DDR2: variants seen among roughly 807,000 people sequenced by gnomAD.
DDR2 encodes the protein discoidin domain-containing receptor 2.
Under a neutral mutation model 94.9 loss-of-function variants are expected in DDR2, and 27 were observed. The observed-to-expected ratio is 0.28, with a 90% CI of 0.21 to 0.39. DDR2 has a LOEUF of 0.39. Among genes scored for constraint, DDR2 ranks in the 10% least tolerant of loss-of-function variants. DDR2 has a pLI of 1.00. For synonymous variants in DDR2, 382 were observed against 377.2 expected, an observed-to-expected ratio of 1.01 and a Z score of -0.15; for missense variants, 783 against 1,076.0, an observed-to-expected ratio of 0.73 and a Z score of 3.81.
Position 162,777,453 on chromosome 1 carries a change from A to G in DDR2, c.2283+1083A>G, listed in dbSNP as rs564013659. Among the ~76,000 whole-genome samples, 17 of 131,614 alleles carry G rather than the reference A, an allele frequency of 1.3e-4. 1 individual carries two copies. In the South Asian group the frequency reaches 4.8e-3, roughly 37 times the overall value. 86.3% of individuals were successfully genotyped at this position (131,614 alleles called of 152,430 possible). A position where few individuals can be genotyped will look rare whatever the true frequency, so the allele number is the denominator to read the frequency against. On this transcript the variant is annotated intron_variant, in intron 16 of 17. Coordinates refer to ENST00000367921, the MANE Select transcript of DDR2 (RefSeq NM_006182.4). Reference sequence around the variant, plus strand: ...TTTAAGTACTTTCCAATTTCCTGCTATTATGAATGATGCTGTGATGTACAC... The same window carrying G: ...TTTAAGTACTTTCCAATTTCCTGCTGTTATGAATGATGCTGTGATGTACAC...
At chr1:162,737,160 T>G in intron 3 of DDR2, among the ~76,000 whole-genome samples, 1 of 6,910 alleles carries the variant, frequency 1.4e-4, no homozygotes, top group Non-Finnish European at 1.7e-3. Flanking sequence ...TTTGGAATAA[T>G]TTTTTTTTTT....
intron 3 of DDR2, among the ~76,000 whole-genome samples, chr1:162,734,139 A>G (rs1395746664): frequency 6.6e-6 from 1 of 152,240 alleles, no homozygotes; most frequent in Non-Finnish European, 1.5e-5. Flanking sequence ...AAATACATAC[A>G]CATTTGTAAA....
intron 3 of DDR2, among the ~76,000 whole-genome samples, chr1:162,751,147 G>A (rs992800414): frequency 2.6e-5 from 4 of 152,048 alleles, no homozygotes; most frequent in African/African-American, 7.2e-5. Context: ...TTGACAAATG[G>A]GATCTAATTA....
intron 2 of DDR2, among the ~76,000 whole-genome samples, chr1:162,708,819 C>T (rs1660767847): frequency 6.6e-6 from 1 of 152,180 alleles, no homozygotes; most frequent in Non-Finnish European, 1.5e-5. Flanking sequence ...CACATATTCT[C>T]TGAGTACTTA....
At chr1:162,757,233 A>G (rs948485348) in intron 7 of DDR2, among the ~76,000 whole-genome samples, 7 of 152,238 alleles carry the variant, frequency 4.6e-5, no homozygotes, top group African/African-American at 1.7e-4. Flanking sequence ...CGTAAGATAA[A>G]TTGCTATGCA....
chr1:162,758,108 G>A lies in DDR2; in HGVS notation c.672-1688G>A, dbSNP rs537206189. On this transcript the variant is annotated intron_variant, in intron 7 of 17. Coordinates refer to ENST00000367921, the MANE Select transcript of DDR2 (RefSeq NM_006182.4). ...GTTTGGAGTGTAGGTCTGTGAGACT[G>A]AGAAGACATTCAGTAGAGAAATAAG... Among the ~76,000 whole-genome samples, 5 of 152,226 alleles carry A rather than the reference G, an allele frequency of 3.3e-5. No homozygotes were observed. The South Asian group carries it at 1.0e-3, about 32-fold the overall frequency.
intron 2 of DDR2, among the ~76,000 whole-genome samples, chr1:162,670,886 G>A (rs1658801147): frequency 1.3e-5 from 2 of 152,170 alleles, no homozygotes; most frequent in African/African-American, 2.4e-5. Flanking sequence ...TTTGACTCTG[G>A]TACAAGTGGT....
chr1:162,699,849 A>C (rs1660350933), intron 2 of DDR2, among the ~76,000 whole-genome samples: 1 of 152,206 alleles, frequency 6.6e-6, no homozygotes, highest in Non-Finnish European at 1.5e-5. Context: ...TCTTAGACAT[A>C]AACACTGAGA....
At chr1:162,728,638 C>T (rs963863230) in intron 3 of DDR2, among the ~76,000 whole-genome samples, 10 of 152,154 alleles carry the variant, frequency 6.6e-5, no homozygotes, top group African/African-American at 2.4e-4. Flanking sequence ...TTTGCTATCA[C>T]ATTTCAACAA....
chr1:162,729,075 C>T (rs1661864641), intron 3 of DDR2, among the ~76,000 whole-genome samples: 1 of 150,934 alleles, frequency 6.6e-6, no homozygotes, highest in Non-Finnish European at 1.5e-5. Flanking sequence ...TGAAAATAAA[C>T]ACTATGAAAC....
intron 2 of DDR2, among the ~76,000 whole-genome samples, chr1:162,714,896 T>C (rs1362672998): frequency 6.6e-6 from 1 of 152,160 alleles, no homozygotes; most frequent in Non-Finnish European, 1.5e-5. Flanking sequence ...TGAGTTTTAT[T>C]TCTTGAGGCT....
chr1:162,689,794 A>G (rs1659875456), intron 2 of DDR2, among the ~76,000 whole-genome samples: 1 of 140,020 alleles, frequency 7.1e-6, no homozygotes, highest in Non-Finnish European at 1.5e-5. Context: ...ACTTGAGGCC[A>G]GGAGTTTGAG....
At chr1:162,761,058 T>C (rs1663713835) in intron 8 of DDR2, among the ~76,000 whole-genome samples, 153 bp from the exon 9 acceptor site, 1 of 152,188 alleles carries the variant, frequency 6.6e-6, no homozygotes, top group South Asian at 2.1e-4. Context: ...CTCTGAAATG[T>C]ACCTAGGAGG....
intron 3 of DDR2, among the ~76,000 whole-genome samples, chr1:162,742,492 C>T (rs952111493): frequency 2.0e-5 from 3 of 152,216 alleles, no homozygotes; most frequent in African/African-American, 7.2e-5. Flanking sequence ...GGACTGCACA[C>T]TCTTAAATGA....
At chr1:162,698,530 T>TA (rs1660291375) in intron 2 of DDR2, among the ~76,000 whole-genome samples, 1 of 152,182 alleles carries the variant, frequency 6.6e-6, no homozygotes, top group Admixed American at 6.5e-5. Context: ...CCATGGTGAA[T>TA]ATTTTTCAGG....
At chr1:162,779,416 C>T (rs1423340686) in intron 17 of DDR2, among the ~76,000 whole-genome samples, 1 of 152,090 alleles carries the variant, frequency 6.6e-6, no homozygotes, top group Non-Finnish European at 1.5e-5. Flanking sequence ...AACAGCATAC[C>T]CTTGGATTAT....
intron 2 of DDR2, among the ~76,000 whole-genome samples, chr1:162,698,368 T>A (rs889622390): frequency 2.0e-4 from 31 of 152,160 alleles, no homozygotes; most frequent in African/African-American, 7.2e-4. Context: ...GGAGGCATGG[T>A]CTGTGCTCAT....
intron 9 of DDR2, among the ~76,000 whole-genome samples, chr1:162,761,659 G>A (rs924506929): frequency 3.3e-5 from 5 of 152,174 alleles, no homozygotes; most frequent in Admixed American, 6.5e-5. Flanking sequence ...AAATATGCAC[G>A]TAACTCTTCT....
rs554850186 is a variant in DDR2 at position 162,741,568 on chromosome 1, T to C, written c.83-11527T>C. 18 of 985,212 alleles carry C rather than the reference T, an allele frequency of 1.8e-5. No individual in the cohort carries two copies. The Admixed American group carries it at 1.1e-3, about 61-fold the overall frequency. The allele number at this position is 985,212 out of a possible 1,614,324, so 61.0% of individuals were successfully genotyped here. The stretch of plus-strand genomic sequence containing the variant: ...CAGCACTTTGCAAACTGTTAAGAAT[T>C]CTATTATCAGGGTCAAGATGGCAAT... On this transcript the variant is annotated intron_variant, in intron 3 of 17. Transcript: ENST00000367921.
Sources: allele counts gnomAD v4.1 joint callset (sites outside exome capture counted in the v4.1 genomes callset), GRCh38; gene constraint gnomAD v4.1.1; transcripts MANE v1.5; gene names NCBI Gene and HGNC (gene_info 2026-07-23, HGNC 2026-07-21).